Variants in CCDC142 observed in about 807,000 individuals in gnomAD.
The protein encoded by CCDC142 is coiled-coil domain containing 142, also known as coiled-coil domain-containing protein 142.
A neutral mutation model predicts 83.8 loss-of-function variants in CCDC142; 67 were observed. The ratio of observed to expected loss-of-function variants is 0.80; its 90% CI spans 0.66 to 0.98. CCDC142 has a LOEUF of 0.98. Among genes scored for constraint, CCDC142 ranks in the 50% least tolerant of loss-of-function variants. The pLI is 0.00. For synonymous variants in CCDC142, 421 were observed against 421.2 expected (o/e 1.00, Z 0.01); for missense variants, 905 against 946.8 (o/e 0.96, Z 0.58).
chr2:74,475,637 C>T lies in CCDC142; in HGVS notation c.1593G>A (p.Arg531=), dbSNP rs1672306747. The T allele has an allele frequency of 6.2e-7, 1 of 1,613,982 alleles. No individual in the cohort carries two copies. Residue 531 remains arginine, a synonymous_variant, in exon 6 of 9, where the codon CGG becomes CGA. Transcript: ENST00000393965. The part of the protein sequence containing the change: ...QGFKLYMPRG[R]YWRLRLCPEP... The stretch of plus-strand genomic sequence containing the variant: ...CAGGACAGAGACGAAGCCGCCAGTA[C>T]CGACCCCGTGGCATGTAGAGCTTGA...
At chr2:74,478,073 C>CT (rs962747208) in intron 5 of CCDC142, among the ~76,000 whole-genome samples, 189 of 141,346 alleles carry the variant, frequency 1.3e-3, no homozygotes, top group Middle Eastern at 3.7e-3. Context: ...TATATATATA[C>CT]TTTTTTTTTT....
Position 74,482,541 on chromosome 2 carries a change from A to G in CCDC142, c.297T>C (p.His99=). ...QRLRAVLLRL[H]REREQLLQAR... ...CCTGGAGGAGCTGCTCCCGCTCGCG[A>G]TGCAGCCGCAGCAACACCGCCCGGA... The change falls in exon 1 of 9, where the codon CAT becomes CAC. Residue 99 remains histidine, a synonymous_variant. Transcript: ENST00000393965. This position sits in a 1 kb window ranked among gnomAD's most constrained non-coding sequence, Gnocchi z 5.0. 1 of 1,594,264 alleles carries G rather than the reference A, an allele frequency of 6.3e-7. No homozygotes were observed. The highest frequency in any genetic ancestry group is 2.3e-5 in the East Asian group (1 of 43,670).
At chr2:74,480,266 T>C (rs1243729492) in intron 5 of CCDC142, among the ~76,000 whole-genome samples, 2 of 152,112 alleles carry the variant, frequency 1.3e-5, no homozygotes, top group African/African-American at 4.8e-5. Flanking sequence ...TCTCTCTACA[T>C]TTGTACATGT....
Position 74,482,975 on chromosome 2 carries a change from C to G in CCDC142, c.-138G>C. ...TCGCGGGGACCTTCATGGACTCTCT[C>G]GTGCTCCGTAATGGGAGGCTTCTGC... On this transcript the variant is annotated 5_prime_UTR_variant, in exon 1 of 9. Coordinates refer to ENST00000393965, the MANE Select transcript of CCDC142 (RefSeq NM_001365575.2). The surrounding 1 kb of genome is among the most constrained non-coding windows in gnomAD (Gnocchi z 5.0). 2 of 1,568,958 alleles carry G rather than the reference C, an allele frequency of 1.3e-6. No homozygotes were observed. The highest frequency in any genetic ancestry group is 1.7e-6 in the Non-Finnish European group (2 of 1,143,912).
intron 5 of CCDC142, among the ~76,000 whole-genome samples, chr2:74,477,181 C>T (rs1672343811): frequency 6.6e-6 from 1 of 151,844 alleles, no homozygotes; most frequent in Admixed American, 6.6e-5. Flanking sequence ...TGCAGTTGCG[C>T]AATCTCAGAT....
chr2:74,474,517 T>TA lies in CCDC142; in HGVS notation c.*28dup. On this transcript the variant is annotated 3_prime_UTR_variant, in exon 9 of 9. Transcript: ENST00000393965. Reference sequence around the variant, plus strand: ...TTTCCAGCTAGAGATGGGGAGCTCTTAACTTTCTGGCTCCTGGTCCCAGGC... The same window carrying TA: ...TTTCCAGCTAGAGATGGGGAGCTCTTAAACTTTCTGGCTCCTGGTCCCAGGC... The TA allele has an allele frequency of 6.4e-7, 1 of 1,558,742 alleles. No individual in the cohort carries two copies. Among genetic ancestry groups the TA allele is most frequent in the Non-Finnish European group, 8.6e-7 (1 of 1,157,086 alleles).
rs1440244577 is a variant in CCDC142 at position 74,482,313 on chromosome 2, G to A, written c.525C>T (p.Ala175=). ...LLLARPIGLA[A]QCLEAVIEMQ... is the part of the protein sequence containing the mutation. ...TCTCGATGACAGCCTCCAGGCACTG[G>A]GCGGCTAGTCCGATGGGGCGCGCTA... Residue 175 remains alanine, a synonymous_variant, in exon 1 of 9, where the codon GCC becomes GCT. Transcript: ENST00000393965. The surrounding 1 kb of genome is among the most constrained non-coding windows in gnomAD (Gnocchi z 5.0). 6.2e-7 allele frequency: 1 copy of A among 1,610,414 alleles called. No homozygotes were observed. The highest frequency in any genetic ancestry group is 1.3e-5 in the African/African-American group (1 of 74,942).
rs1558570986 is a variant in CCDC142, at chr2:74,473,807, T to C, written c.*739A>G. 6.7e-6 allele frequency: 1 copy of C among 149,674 alleles called. No individual in the cohort carries two copies. Among genetic ancestry groups the C allele is most frequent in the Non-Finnish European group, 1.5e-5 (1 of 67,834 alleles). The allele number at this position is 149,674 out of a possible 1,614,324, so 9.3% of individuals were successfully genotyped here. Reference sequence around the variant, plus strand: ...TTTTTTTTGAGACGAAGTTTTGCCCTTGTTGCCCAGGCTGGAGTGCAATGG... The same window carrying C: ...TTTTTTTTGAGACGAAGTTTTGCCCCTGTTGCCCAGGCTGGAGTGCAATGG... On this transcript the variant is annotated 3_prime_UTR_variant, in exon 9 of 9. Transcript: ENST00000393965.
rs1672590504 is a variant in CCDC142 at position 74,482,916 on chromosome 2, C to T, written c.-79G>A. ...ACGCCCGCCGCAGCTCGGACTTCGC[C>T]CCATCGCAAGAGCCGTTTTCTCCAG... On this transcript the variant is annotated 5_prime_UTR_variant, in exon 1 of 9. Coordinates refer to ENST00000393965, the MANE Select transcript of CCDC142 (RefSeq NM_001365575.2). The surrounding 1 kb of genome is among the most constrained non-coding windows in gnomAD (Gnocchi z 5.0). The T allele has an allele frequency of 6.4e-7, 1 of 1,567,048 alleles. No individual in the cohort carries two copies. The highest frequency in any genetic ancestry group is 8.6e-7 in the Non-Finnish European group (1 of 1,156,994).
Position 74,481,481 on chromosome 2 carries a change from TGAA to T in CCDC142, c.1076_1078del (p.Leu359del), listed in dbSNP as rs779722216. 6.2e-7 allele frequency: 1 copy of T among 1,614,092 alleles called. No individual in the cohort carries two copies. The highest frequency in any genetic ancestry group is 1.1e-5 in the South Asian group (1 of 91,080). On this transcript the variant is annotated inframe_deletion, in exon 2 of 9. Transcript: ENST00000393965. ...GTCCCAGCTCCAGATAAGCGACTGA[TGAA>T]GTAGTCTGTGACACAAAGATGCCAG...
In CCDC142 at chr2:74,477,182, A is replaced by G. The variant is rs142350589; in HGVS notation, c.1504-1456T>C. Among the ~76,000 whole-genome samples the G allele has an allele frequency of 4.2e-3, 636 of 151,700 alleles. 3 individuals are homozygous for G. The highest frequency in any genetic ancestry group is 0.015 in the African/African-American group (618 of 41,322). ...TGCCCAGGCTGGAGTGCAGTTGCGC[A>G]ATCTCAGATCACTGCAACCTCTGCC... On this transcript the variant is annotated intron_variant, in intron 5 of 8. Transcript: ENST00000393965.
intron 6 of CCDC142, 49 bp from the exon 7 acceptor site, chr2:74,475,451 C>A: frequency 6.6e-7 from 1 of 1,519,806 alleles, no homozygotes; most frequent in Non-Finnish European, 8.9e-7. Flanking sequence ...CATTGAACCC[C>A]TAAATGGAGT....
Position 74,475,735 on chromosome 2 carries a change from A to T in CCDC142, c.1504-9T>A. On this transcript the variant is annotated splice_polypyrimidine_tract_variant and intron_variant, in intron 5 of 8. Coordinates refer to ENST00000393965, the MANE Select transcript of CCDC142 (RefSeq NM_001365575.2). The stretch of plus-strand genomic sequence containing the variant: ...GACTCTTCAGGCAGGAGCTGTAGGG[A>T]TAGGGAGAAAGTAAAAGGGGCTTGT... 1 of 1,563,068 alleles carries T rather than the reference A, an allele frequency of 6.4e-7. No individual in the cohort carries two copies. The highest frequency in any genetic ancestry group is 8.8e-7 in the Non-Finnish European group (1 of 1,135,010).
At chr2:74,476,408 G>C (rs1672327729) in intron 5 of CCDC142, among the ~76,000 whole-genome samples, 1 of 152,106 alleles carries the variant, frequency 6.6e-6, no homozygotes, top group African/African-American at 2.4e-5. Flanking sequence ...CCTGATCTCA[G>C]GTGATCGGCC....
chr2:74,477,994 A>AT (rs1260822129), intron 5 of CCDC142, among the ~76,000 whole-genome samples: 5 of 147,352 alleles, frequency 3.4e-5, no homozygotes, highest in South Asian at 2.1e-4. Context: ...TAATTAAAAA[A>AT]AAAATATATA....
At chr2:74,478,379 T>C (rs1385032840) in intron 5 of CCDC142, among the ~76,000 whole-genome samples, 2 of 150,752 alleles carry the variant, frequency 1.3e-5, no homozygotes, top group African/African-American at 4.9e-5. Flanking sequence ...TTTTTTGTTT[T>C]CTGTTTTTTT....
At chr2:74,479,529 G>T (rs750291484) in intron 5 of CCDC142, among the ~76,000 whole-genome samples, 3 of 152,156 alleles carry the variant, frequency 2.0e-5, no homozygotes, top group Non-Finnish European at 4.4e-5. Context: ...GGCAAACAAA[G>T]TGCTGTTTTT....
In CCDC142 at chr2:74,475,674, G is replaced by T. The variant is rs751371514; in HGVS notation, c.1556C>A (p.Ala519Asp). 4 of 1,614,042 alleles carry T rather than the reference G, an allele frequency of 2.5e-6. No individual in the cohort carries two copies. Among genetic ancestry groups the T allele is most frequent in the Non-Finnish European group, 3.4e-6 (4 of 1,179,988 alleles). Residue 519 changes from alanine (A) to aspartate (D), a missense_variant, in exon 6 of 9, where the codon GCC becomes GAC. By Grantham distance (126) the Ala-to-Asp change is moderately radical. This residue lies in a region of CCDC142 where 265 missense variants were observed against 288.9 expected (regional missense o/e 0.92). Transcript: ENST00000393965. ...CATGTAGAGCTTGAAACCTTGCATG[G>T]CTTGTTTATGACATTCTTGAGAAAA... is the stretch of plus-strand genomic sequence containing the variant. Reference protein sequence around the residue: ...SVFSQECHKQAMQGFKLYMPR... With the variant: ...SVFSQECHKQDMQGFKLYMPR...
chr2:74,474,445 G>A lies in CCDC142; in HGVS notation c.*101C>T, dbSNP rs1000866090. Reference sequence around the variant, plus strand: ...TATTCTCCAGTATGCTTTCCTCCAAGCTTCCAGTTCTGGGCTTCCTTAATA... The same window carrying A: ...TATTCTCCAGTATGCTTTCCTCCAAACTTCCAGTTCTGGGCTTCCTTAATA... On this transcript the variant is annotated 3_prime_UTR_variant, in exon 9 of 9. Transcript: ENST00000393965. 2 of 1,395,960 alleles carry A rather than the reference G, an allele frequency of 1.4e-6. No individual in the cohort carries two copies. Among genetic ancestry groups the A allele is most frequent in the Non-Finnish European group, 1.9e-6 (2 of 1,044,532 alleles). The allele number at this position is 1,395,960 out of a possible 1,614,324, so 86.5% of individuals were successfully genotyped here.
Sources: gnomAD v4.1 joint callset for allele counts (sites outside exome capture counted in the v4.1 genomes callset) on GRCh38, gnomAD v4.1.1 for gene constraint, gnomAD v4.1.1 regional missense constraint, Gnocchi (gnomAD v3.1) non-coding constraint, MANE v1.5 for transcripts, NCBI Gene and HGNC (gene_info 2026-07-23, HGNC 2026-07-21) for gene names.